Variants in KIF6 observed in about 807,000 individuals in gnomAD.
The protein encoded by KIF6 is kinesin-like protein KIF6.
In KIF6, 106 loss-of-function variants were observed where a neutral mutation model predicts 112.7. The ratio of observed to expected loss-of-function variants is 0.94; its 90% confidence interval spans 0.80 to 1.11. The LOEUF is 1.11. Among genes scored for constraint, KIF6 ranks in the 50% least tolerant of loss-of-function variants. KIF6 has a pLI of 0.00. For synonymous variants in KIF6, 339 were observed against 339.9 expected (o/e 1.00, Z 0.03); for missense variants, 929 against 964.0 (o/e 0.96, Z 0.48).
At chr6:39,350,616 G>A (rs142911306) in intron 19 of KIF6, among the ~76,000 whole-genome samples, 249 of 152,260 alleles carry the variant, frequency 1.6e-3, no homozygotes, top group African/African-American at 5.7e-3. Context: ...TGCCAACAGC[G>A]AATCCTTCAC....
intron 13 of KIF6, among the ~76,000 whole-genome samples, chr6:39,522,000 T>C (rs1381178722): frequency 6.6e-6 from 1 of 152,130 alleles, no homozygotes; most frequent in African/African-American, 2.4e-5. Flanking sequence ...ACTGCTGGCC[T>C]CCCTGAGAAC....
chr6:39,336,238 T>G lies in KIF6; in HGVS notation c.*294A>C. On this transcript the variant is annotated 3_prime_UTR_variant, in exon 23 of 23. Transcript: ENST00000287152. ...TATAAAGATCTACACAAAACGTCAC[T>G]ACAACAGTGAGCTGAAGCCTTCACC... The G allele has an allele frequency of 4.7e-6, 2 of 424,544 alleles. No individual in the cohort carries two copies. The highest frequency in any genetic ancestry group is 8.4e-6 in the Non-Finnish European group (2 of 236,930). 26.3% of individuals were successfully genotyped at this position (424,544 alleles called of 1,614,324 possible).
At chr6:39,613,349 A>G in intron 5 of KIF6, 31 bp from the exon 6 acceptor site, 1 of 1,534,708 alleles carries the variant, frequency 6.5e-7, no homozygotes, top group Non-Finnish European at 8.7e-7. Flanking sequence ...AAAACAAGGT[A>G]CTGCTGAGAA....
intron 6 of KIF6, among the ~76,000 whole-genome samples, chr6:39,607,005 G>A (rs933974233): frequency 3.3e-5 from 5 of 152,122 alleles, no homozygotes; most frequent in African/African-American, 1.2e-4. Context: ...ATAGTTTGAG[G>A]TTATGGCTAT....
chr6:39,394,553 G>T (rs1035505573), intron 15 of KIF6, among the ~76,000 whole-genome samples: 1 of 152,182 alleles, frequency 6.6e-6, no homozygotes, highest in Non-Finnish European at 1.5e-5. Flanking sequence ...AGACAGCAAG[G>T]GATTTCCATT....
At chr6:39,637,332 C>A (rs539712978) in intron 4 of KIF6, among the ~76,000 whole-genome samples, 4 of 152,136 alleles carry the variant, frequency 2.6e-5, no homozygotes, top group African/African-American at 9.6e-5. Context: ...AGCTATGTGG[C>A]AAGCTACCTT....
At chr6:39,555,239 T>C (rs1779630635) in intron 10 of KIF6, among the ~76,000 whole-genome samples, 1 of 152,138 alleles carries the variant, frequency 6.6e-6, no homozygotes, top group Non-Finnish European at 1.5e-5. Flanking sequence ...CCAAGCCCAG[T>C]TTGGCTGACA....
intron 3 of KIF6, 125 bp downstream of exon 3, chr6:39,714,567 A>T: frequency 1.5e-6 from 1 of 647,848 alleles, no homozygotes; most frequent in Non-Finnish European, 2.8e-6. Flanking sequence ...TAATGCCATC[A>T]TCATTACATG....
intron 9 of KIF6, among the ~76,000 whole-genome samples, chr6:39,581,623 C>G (rs73424520): frequency 0.022 from 3,275 of 152,132 alleles, 115 homozygotes; most frequent in African/African-American, 0.075. Context: ...TGAAAGCGGA[C>G]AAGCTGCCCT....
intron 17 of KIF6, among the ~76,000 whole-genome samples, 153 bp from the exon 18 acceptor site, chr6:39,360,683 G>A (rs1413645868): frequency 6.6e-6 from 1 of 152,180 alleles, no homozygotes; most frequent in Non-Finnish European, 1.5e-5. Context: ...TCGGAGGCCA[G>A]GCTATGGCAC....
intron 5 of KIF6, among the ~76,000 whole-genome samples, chr6:39,625,515 C>A (rs961860566): frequency 6.6e-6 from 1 of 152,066 alleles, no homozygotes; most frequent in African/African-American, 2.4e-5. Context: ...AGGAAAGCAC[C>A]CCCAACTCCT....
At chr6:39,458,301 G>A (rs1044897513) in intron 13 of KIF6, among the ~76,000 whole-genome samples, 4 of 150,510 alleles carry the variant, frequency 2.7e-5, no homozygotes, top group Non-Finnish European at 5.9e-5. Context: ...TGCAGAAAAA[G>A]CCTTTGACAA....
At position 39,490,136 on chromosome 6, in the gene KIF6, A is replaced by G. The variant is rs544140051; in HGVS notation, c.1645+49867T>C. Among the ~76,000 whole-genome samples, 3 of 152,280 alleles carry G rather than the reference A, an allele frequency of 2.0e-5. No homozygotes were observed. The East Asian group carries it at 5.8e-4, about 29-fold the overall frequency. ...TCAGATAAGAAATGCTGGGAGAGAG[A>G]GGAGACAATGCATTATTTTCTCCTT... On this transcript the variant is annotated intron_variant, in intron 13 of 22. Coordinates refer to ENST00000287152, the MANE Select transcript of KIF6 (RefSeq NM_145027.6).
intron 10 of KIF6, among the ~76,000 whole-genome samples, chr6:39,560,910 T>C (rs72850682): frequency 2.6e-5 from 4 of 152,380 alleles, no homozygotes; most frequent in Non-Finnish European, 5.9e-5. Context: ...TTTTGTGCTT[T>C]GTACTAACCT....
chr6:39,723,454 T>C (rs1390967150), intron 1 of KIF6, among the ~76,000 whole-genome samples: 1 of 152,198 alleles, frequency 6.6e-6, no homozygotes, highest in East Asian at 1.9e-4. Context: ...AAATTACAGC[T>C]CTGCTGTTCA....
intron 3 of KIF6, among the ~76,000 whole-genome samples, chr6:39,677,957 A>T (rs12180497): frequency 1.4e-5 from 2 of 146,682 alleles, no homozygotes; most frequent in African/African-American, 5.0e-5. Flanking sequence ...GTTGGTTCCA[A>T]GTCTTTGCTA....
At chr6:39,553,597 G>A (rs754085066) in intron 10 of KIF6, among the ~76,000 whole-genome samples, 1 of 152,120 alleles carries the variant, frequency 6.6e-6, no homozygotes, top group Non-Finnish European at 1.5e-5. Flanking sequence ...AAAGACAGTA[G>A]GGCATATTTT....
intron 3 of KIF6, among the ~76,000 whole-genome samples, chr6:39,680,509 T>C (rs1787451239): frequency 6.6e-6 from 1 of 152,110 alleles, no homozygotes; most frequent in Non-Finnish European, 1.5e-5. Flanking sequence ...CACTAATGCA[T>C]ATATGAAACT....
chr6:39,531,802 C>T (rs1380253083), intron 13 of KIF6, among the ~76,000 whole-genome samples: 2 of 152,172 alleles, frequency 1.3e-5, no homozygotes, highest in African/African-American at 4.8e-5. Flanking sequence ...CTGCCTCTCT[C>T]TCATCATCCC....
Sources: allele counts gnomAD v4.1 joint callset (sites outside exome capture counted in the v4.1 genomes callset), GRCh38; gene constraint gnomAD v4.1.1; transcripts MANE v1.5; gene names NCBI Gene and HGNC (gene_info 2026-07-23, HGNC 2026-07-21).